Variants in MS4A14 observed in about 807,000 individuals in gnomAD.
MS4A14 encodes membrane spanning 4-domains A14, also known as membrane-spanning 4-domains subfamily A member 14.
A neutral mutation model predicts 16.7 loss-of-function variants in MS4A14; 18 were observed. That is an observed-to-expected ratio of 1.08 (90% confidence interval 0.75 to 1.60). The LOEUF is 1.60. Among genes scored for constraint, MS4A14 ranks in the 40% most tolerant of loss-of-function variants. The probability of loss-of-function intolerance (pLI) is 0.00; values close to 1 mark genes in which losing one functional copy is unlikely to be tolerated. For synonymous variants in MS4A14, 305 were observed against 289.4 expected (o/e 1.05, Z -0.55); for missense variants, 812 against 775.3 (o/e 1.05, Z -0.56).
chr11:60,416,077 T>C lies in MS4A14; in HGVS notation c.1109T>C (p.Met370Thr). 1.2e-6 allele frequency: 2 copies of C among 1,611,574 alleles called. No homozygotes were observed. The highest frequency in any genetic ancestry group is 1.7e-6 in the Non-Finnish European group (2 of 1,178,786). ...ILSQDTSSQD[M>T]LFHDMTSQDM... is the part of the protein sequence containing the mutation. ...TCCCAAGACACATCATCTCAAGATA[T>C]GCTGTTTCATGACATGACATCCCAA... The change falls in exon 5 of 5, where the codon ATG (methionine) becomes ACG (threonine). Residue 370 changes from methionine to threonine, a missense_variant. Transcript: ENST00000300187.
At chr11:60,396,797 AG>A in intron 1 of MS4A14, 81 bp downstream of exon 1, 1 of 1,400,092 alleles carries the variant, frequency 7.1e-7, no homozygotes, top group Non-Finnish European at 9.6e-7. Flanking sequence ...AGAGATATGC[AG>A]AGATTATTTT....
Position 60,413,447 on chromosome 11 carries a change from T to G in MS4A14, c.469-1990T>G, listed in dbSNP as rs573947573. Among the ~76,000 whole-genome samples the G allele has an allele frequency of 7.2e-5, 11 of 152,118 alleles. No individual in the cohort carries two copies. In the South Asian group the frequency reaches 1.9e-3, roughly 26 times the overall value. ...TTTTACCCTTAAATATGATGTTTTT[T>G]GTAGGTTTTTTACAGAGTAAATTTA... On this transcript the variant is annotated intron_variant, in intron 4 of 4. Coordinates refer to ENST00000300187, the MANE Select transcript of MS4A14 (RefSeq NM_032597.5).
Position 60,416,642 on chromosome 11 carries a change from AG to A in MS4A14, c.1675del (p.Glu559SerfsTer119). The A allele has an allele frequency of 6.2e-7, 1 of 1,613,928 alleles. No individual in the cohort carries two copies. Among genetic ancestry groups the A allele is most frequent in the Non-Finnish European group, 8.5e-7 (1 of 1,179,954 alleles). On this transcript the variant is annotated frameshift_variant, in exon 5 of 5. Coordinates refer to ENST00000300187, the MANE Select transcript of MS4A14 (RefSeq NM_032597.5). LOFTEE classifies it low-confidence loss of function (END_TRUNC). ...AGCAAGCTCAACTTAATCAAACTAAAGAGCAACTCCCAGATCAGCAAGCTGA... is the reference window on the plus strand; with the variant it reads ...AGCAAGCTCAACTTAATCAAACTAAAAGCAACTCCCAGATCAGCAAGCTGA... Reference protein sequence around the residue: ...DKQAQLNQTKEQLPDQQAEDQ... With the variant: ...DKQAQLNQTKXQLPDQQAEDQ...
rs1485761309 is a variant in MS4A14 at position 60,416,599 on chromosome 11, A to T, written c.1631A>T (p.Lys544Met). 36 of 1,613,842 alleles carry T rather than the reference A, an allele frequency of 2.2e-5. No homozygotes were observed. The highest frequency in any genetic ancestry group is 2.9e-5 in the Non-Finnish European group (34 of 1,179,958). ...DQQIKDWLSP[K>M]RHSVDKQAQL... The stretch of plus-strand genomic sequence containing the variant: ...CAAATCAAAGACTGGCTATCCCCAA[A>T]GAGGCACTCCGTAGATAAGCAAGCT... Residue 544 changes from lysine to methionine, a missense_variant, in exon 5 of 5, where the codon AAG (lysine) becomes ATG (methionine). Physicochemically the swap from Lys to Met is moderately conservative, Grantham distance 95 (BLOSUM62 -1). Transcript: ENST00000300187.
At chr11:60,403,114 TC>T in intron 4 of MS4A14, 53 bp downstream of exon 4, 1 of 1,552,120 alleles carries the variant, frequency 6.4e-7, no homozygotes, top group Non-Finnish European at 8.9e-7. Context: ...CTGAACTGTG[TC>T]CATGATGTAA....
At chr11:60,397,469 T>C (rs1316705003) in intron 1 of MS4A14, among the ~76,000 whole-genome samples, 1 of 152,032 alleles carries the variant, frequency 6.6e-6, no homozygotes, top group Non-Finnish European at 1.5e-5. Flanking sequence ...AGGATAATAA[T>C]AGGATACTGG....
chr11:60,405,081 CTT>C (rs370073179), intron 4 of MS4A14, among the ~76,000 whole-genome samples: 9 of 143,974 alleles, frequency 6.3e-5, no homozygotes, highest in Non-Finnish European at 6.1e-5. Flanking sequence ...TTTGGACCCA[CTT>C]TTTTTTTTTT....
Position 60,417,130 on chromosome 11 carries a change from C to T in MS4A14, c.*122C>T. 1 of 1,257,290 alleles carries T rather than the reference C, an allele frequency of 8.0e-7. No homozygotes were observed. Among genetic ancestry groups the T allele is most frequent in the South Asian group, 1.6e-5 (1 of 62,208 alleles). 77.9% of individuals were successfully genotyped at this position (1,257,290 alleles called of 1,614,324 possible). A position where few individuals can be genotyped will look rare whatever the true frequency, so the allele number is the denominator to read the frequency against. ...AGCAGAAAGCTCTATACCAAGAAGTCCAAACCCAGCACGCAACAGCCCAAC... is the reference window on the plus strand; with the variant it reads ...AGCAGAAAGCTCTATACCAAGAAGTTCAAACCCAGCACGCAACAGCCCAAC... On this transcript the variant is annotated 3_prime_UTR_variant, in exon 5 of 5. Transcript: ENST00000300187.
intron 4 of MS4A14, chr11:60,406,099 C>A (rs1457399527): frequency 2.9e-6 from 2 of 682,518 alleles, no homozygotes; most frequent in African/African-American, 1.9e-5. Context: ...TGCTCAGATG[C>A]TGAAATAAAA....
chr11:60,405,614 T>C (rs1481295622), intron 4 of MS4A14, among the ~76,000 whole-genome samples: 7 of 152,214 alleles, frequency 4.6e-5, no homozygotes, highest in Non-Finnish European at 1.0e-4. Context: ...TTGGCTGGAA[T>C]TGAGTAATGG....
At chr11:60,401,073 A>G (rs761370153) in intron 3 of MS4A14, among the ~76,000 whole-genome samples, 9 of 152,170 alleles carry the variant, frequency 5.9e-5, no homozygotes, top group Non-Finnish European at 1.2e-4. Context: ...CTAGGATTGA[A>G]CCAAGGCTAT....
At chr11:60,402,219 G>A (rs2034083) in intron 3 of MS4A14, among the ~76,000 whole-genome samples, 151,299 of 151,568 alleles carry the variant, frequency 1, 75,516 homozygotes, top group Middle Eastern at 1. Flanking sequence ...GGGTGGGGCA[G>A]TGTGAAATAT....
At chr11:60,404,950 C>A (rs2085765577) in intron 4 of MS4A14, among the ~76,000 whole-genome samples, 1 of 152,092 alleles carries the variant, frequency 6.6e-6, no homozygotes, top group Non-Finnish European at 1.5e-5. Flanking sequence ...AAATTGCATA[C>A]AATAGGGTCT....
At position 60,396,636 on chromosome 11, in the gene MS4A14, GA is replaced by G. The variant is rs746982578; in HGVS notation, c.61del (p.Thr21LeufsTer3). ...ATHVITIKPN[E>X]TVLTAFPYRP... is the part of the protein sequence containing the mutation. Reference sequence around the variant, plus strand: ...TCACGTCATCACTATAAAACCAAACGAAACTGTATTGACTGCATTTCCCTAC... The same window carrying G: ...TCACGTCATCACTATAAAACCAAACGAACTGTATTGACTGCATTTCCCTAC... On this transcript the variant is annotated frameshift_variant, in exon 1 of 5. Transcript: ENST00000300187. LOFTEE classifies it high-confidence loss of function. 2.0e-5 allele frequency: 33 copies of G among 1,613,922 alleles called. No individual in the cohort carries two copies. The South Asian group carries it at 3.3e-4, about 16-fold the overall frequency.
At chr11:60,397,730 G>A in intron 1 of MS4A14, 122 bp from the exon 2 acceptor site, 1 of 856,614 alleles carries the variant, frequency 1.2e-6, no homozygotes, top group Non-Finnish European at 1.8e-6. Flanking sequence ...ATTGACAAAT[G>A]AGAGAGGAAG....
intron 4 of MS4A14, 88 bp from the exon 5 acceptor site, chr11:60,415,349 A>C: frequency 7.1e-7 from 1 of 1,402,852 alleles, no homozygotes; most frequent in Middle Eastern, 2.6e-4. Flanking sequence ...CTACTGTCTT[A>C]AGTCAGAAAT....
chr11:60,416,101 A>T lies in MS4A14; in HGVS notation c.1133A>T (p.Gln378Leu), dbSNP rs1372150435. The T allele has an allele frequency of 6.2e-7, 1 of 1,609,510 alleles. No individual in the cohort carries two copies. The highest frequency in any genetic ancestry group is 8.5e-7 in the Non-Finnish European group (1 of 1,177,816). The change falls in exon 5 of 5, where the codon CAA becomes CTA. Residue 378 changes from glutamine (Q) to leucine (L), a missense_variant. Coordinates refer to ENST00000300187, the MANE Select transcript of MS4A14 (RefSeq NM_032597.5). ...QDMLFHDMTS[Q>L]DMQSLDMLSQ... ...ATGCTGTTTCATGACATGACATCCC[A>T]AGATATGCAATCCCTAGATATGCTA...
rs868372829 is a variant in MS4A14 at position 60,416,968 on chromosome 11, G to A, written c.2000G>A (p.Arg667Lys). 1.2e-6 allele frequency: 2 copies of A among 1,613,278 alleles called. No individual in the cohort carries two copies. Among genetic ancestry groups the A allele is most frequent in the African/African-American group, 2.7e-5 (2 of 74,982 alleles). ...HKGNLQAGQP[R>K]TVNLLAKNPL... is the part of the protein sequence containing the mutation. ...GGCAATCTCCAGGCTGGACAACCCA[G>A]GACTGTCAATCTTTTGGCCAAGAAT... is the stretch of plus-strand genomic sequence containing the variant. Residue 667 changes from arginine (R) to lysine (K), a missense_variant, in exon 5 of 5, where the codon AGG becomes AAG. Arg to Lys is a conservative substitution (Grantham distance 26, BLOSUM62 2). Transcript: ENST00000300187.
intron 4 of MS4A14, among the ~76,000 whole-genome samples, chr11:60,412,052 G>A (rs528064117): frequency 1.3e-5 from 2 of 152,088 alleles, no homozygotes; most frequent in South Asian, 4.1e-4. Flanking sequence ...TTAATGTAAT[G>A]TATTACATTT....
Sources: gnomAD v4.1 joint callset for allele counts (sites outside exome capture counted in the v4.1 genomes callset) on GRCh38, gnomAD v4.1.1 for gene constraint, MANE v1.5 for transcripts, NCBI Gene and HGNC (gene_info 2026-07-23, HGNC 2026-07-21) for gene names.